Variants in COL6A5 observed in about 807,000 individuals in gnomAD.
The protein encoded by COL6A5 is collagen type VI alpha 5 chain.
COL6A5 carries 48 observed loss-of-function variants against 65.6 expected under a neutral mutation model. The observed-to-expected ratio is 0.73, with a 90% CI of 0.58 to 0.93. COL6A5 has a LOEUF of 0.93. Ranked by LOEUF, COL6A5 falls within the 40% of genes least tolerant of loss-of-function variation. COL6A5 has a pLI of 0.00. For synonymous variants in COL6A5, 291 were observed against 322.8 expected (o/e 0.90, Z 1.05); for missense variants, 914 against 928.3 (o/e 0.98, Z 0.20).
intron 1 of COL6A5, among the ~76,000 whole-genome samples, chr3:130,435,638 A>G (rs546502592): frequency 6.6e-6 from 1 of 152,242 alleles, no homozygotes; most frequent in African/African-American, 2.4e-5. Context: ...TTCTCCTTGA[A>G]GATGTCCTTC....
chr3:130,439,405 C>G (rs1457223444), intron 1 of COL6A5, 117 bp from the exon 34 acceptor site: 1 of 586,518 alleles, frequency 1.7e-6, no homozygotes, highest in Non-Finnish European at 3.0e-6. Context: ...GAGCAAAGAG[C>G]TATAATGCAA....
intron 1 of COL6A5, among the ~76,000 whole-genome samples, chr3:130,356,064 CT>C (rs1351664538): frequency 2.0e-5 from 3 of 151,922 alleles, no homozygotes; most frequent in African/African-American, 4.8e-5. Flanking sequence ...TTTGCATCTT[CT>C]TTTTTTCAAC....
chr3:130,411,165 T>G (rs1217724376), intron 20 of COL6A5, among the ~76,000 whole-genome samples: 2 of 152,168 alleles, frequency 1.3e-5, no homozygotes, highest in African/African-American at 4.8e-5. Context: ...CAGCAAAAAA[T>G]GGGGATATTG....
At chr3:130,396,360 G>A (rs139188932) in intron 8 of COL6A5, among the ~76,000 whole-genome samples, 35 of 152,236 alleles carry the variant, frequency 2.3e-4, no homozygotes, top group African/African-American at 7.0e-4. Context: ...TCCCATTTGC[G>A]GTGCTCAAGT....
upstream of COL6A5, among the ~76,000 whole-genome samples, chr3:130,430,475 A>G (rs191558698): frequency 2.4e-4 from 36 of 152,324 alleles, no homozygotes; most frequent in Admixed American, 2.0e-4. Flanking sequence ...GGGATAGAGA[A>G]CAGCCTGAGC....
chr3:130,469,319 T>A, exon 6 of COL6A5: 2 of 1,612,956 alleles, frequency 1.2e-6, no homozygotes, highest in South Asian at 1.1e-5. Context: ...TCAAGGCTAC[T>A]CCATATTTGT....
intron 7 of COL6A5, among the ~76,000 whole-genome samples, chr3:130,472,593 T>C (rs1054729761): frequency 6.6e-6 from 1 of 151,834 alleles, no homozygotes; most frequent in African/African-American, 2.4e-5. Flanking sequence ...AAGCTGAAAA[T>C]ATGTATATCC....
intron 20 of COL6A5, 134 bp downstream of exon 20, chr3:130,410,658 C>G (rs921138558): frequency 5.5e-6 from 4 of 723,290 alleles, no homozygotes; most frequent in South Asian, 5.5e-5. Context: ...CTTGACACTA[C>G]TGAAATTTGG....
intron 1 of COL6A5, among the ~76,000 whole-genome samples, chr3:130,371,227 A>G (rs544744385): frequency 6.6e-6 from 1 of 152,306 alleles, no homozygotes; most frequent in East Asian, 1.9e-4. Context: ...AAACAATATT[A>G]AGATGCTAAA....
exon 3 of COL6A5, chr3:130,440,683 T>A (rs758415976): frequency 6.2e-7 from 1 of 1,613,392 alleles, no homozygotes; most frequent in Non-Finnish European, 8.5e-7. Flanking sequence ...TTGTGATTTC[T>A]CTGGGCTCTA....
chr3:130,357,710 G>A (rs1001459731), intron 1 of COL6A5, among the ~76,000 whole-genome samples: 9 of 152,100 alleles, frequency 5.9e-5, no homozygotes, highest in Non-Finnish European at 8.8e-5. Context: ...TATTTGAAAA[G>A]AAAAAGCATA....
intron 27 of COL6A5, 66 bp from the exon 28 acceptor site, chr3:130,422,654 G>GTT: frequency 5.0e-5 from 47 of 934,880 alleles, no homozygotes; most frequent in Admixed American, 1.0e-4. Flanking sequence ...AGTCCAGAGA[G>GTT]TTTTTTTTTT....
intron 3 of COL6A5, among the ~76,000 whole-genome samples, chr3:130,379,198 C>A (rs944342549): frequency 3.9e-5 from 6 of 151,946 alleles, no homozygotes; most frequent in Non-Finnish European, 8.8e-5. Flanking sequence ...TGGTCAGAAG[C>A]ATTCTTCAGA....
intron 2 of COL6A5, 67 bp downstream of exon 2, chr3:130,373,772 A>T: frequency 1.1e-6 from 1 of 942,212 alleles, no homozygotes; most frequent in Non-Finnish European, 1.6e-6. Context: ...ACTTTAATAA[A>T]CAGCAAGAAA....
intron 13 of COL6A5, 134 bp from the exon 14 acceptor site, chr3:130,405,454 C>T: frequency 1.7e-6 from 1 of 586,600 alleles, no homozygotes; most frequent in South Asian, 2.5e-5. Context: ...ACTTTTGAAT[C>T]CTTTTTGAAG....
At position 130,465,129 on chromosome 3, in the gene COL6A5, A is replaced by G. The variant is rs187778853; in HGVS notation, c.1545-3666A>G. Among the ~76,000 whole-genome samples the G allele has an allele frequency of 1.8e-4, 27 of 152,232 alleles. No homozygotes were observed. In the East Asian group the frequency reaches 5.2e-3, roughly 29 times the overall value. ...ATGAACACTACAAGTGCTCCAGCTT[A>G]TAGCCTTGAGTGTTTTCAGGACATG... On this transcript the variant is annotated intron_variant, in intron 5 of 7. Coordinates refer to ENST00000512836, the Ensembl canonical transcript of COL6A5.
chr3:130,458,567 T>G (rs143138758), intron 5 of COL6A5, among the ~76,000 whole-genome samples: 114 of 152,224 alleles, frequency 7.5e-4, no homozygotes, highest in African/African-American at 2.4e-3. Context: ...AGGCAGAAGT[T>G]TAAGGGCCAC....
chr3:130,391,528 C>T, exon 7 of COL6A5: 1 of 1,551,654 alleles, frequency 6.4e-7, no homozygotes, highest in Non-Finnish European at 8.7e-7. Context: ...TGCTGATTGT[C>T]ATCACCGATG....
chr3:130,379,083 C>G (rs900592206), intron 3 of COL6A5, among the ~76,000 whole-genome samples: 2 of 151,516 alleles, frequency 1.3e-5, no homozygotes, highest in African/African-American at 4.9e-5. Flanking sequence ...TGGTGGTGGT[C>G]GTGGTGGAGG....
Sources: allele counts gnomAD v4.1 joint callset (sites outside exome capture counted in the v4.1 genomes callset), GRCh38; gene constraint gnomAD v4.1.1; transcripts MANE v1.5; gene names NCBI Gene and HGNC (gene_info 2026-07-23, HGNC 2026-07-21).